The following FGF13 variants were observed in gnomAD, a reference collection of about 807,000 sequenced individuals.
FGF13 encodes fibroblast growth factor 13, also known as fibroblast growth factor homologous factor 2.
A neutral mutation model predicts 19.5 loss-of-function variants in FGF13; 2 were observed. The ratio of observed to expected loss-of-function variants is 0.10; its 90% confidence interval spans 0.04 to 0.32. The LOEUF (loss-of-function observed/expected upper bound fraction) is 0.32. FGF13 is among the 10% of genes least tolerant of loss of function. The pLI, the probability that FGF13 is intolerant of heterozygous loss-of-function variation, is 1.00. For missense variants in FGF13, 113 were observed against 192.7 expected (o/e 0.59, Z 2.45); for synonymous variants, 72 against 76.9 (o/e 0.94, Z 0.33).
intron 1 of FGF13, among the ~76,000 whole-genome samples, chrX:139,155,020 T>C (rs1312219260): frequency 8.9e-6 from 1 of 111,860 alleles, no homozygotes; most frequent in East Asian, 2.8e-4. Context: ...AGCATCATTA[T>C]ACATACATAC....
chrX:139,204,220 G>T (rs1429656989), upstream of FGF13: 1 of 705,756 alleles, frequency 1.4e-6, no homozygotes, highest in Non-Finnish European at 2.2e-6. Context: ...TCCCCTCGGT[G>T]TGGTTCGGGG....
At chrX:139,165,103 G>A (rs1005864239) in intron 1 of FGF13, among the ~76,000 whole-genome samples, 2 of 112,056 alleles carry the variant, frequency 1.8e-5, no homozygotes, top group Non-Finnish European at 3.8e-5. Context: ...CAAACTCTCA[G>A]ATGGAAATGA....
At chrX:138,932,150 A>G (rs1314261673) in intron 1 of FGF13, among the ~76,000 whole-genome samples, 2 of 111,824 alleles carry the variant, frequency 1.8e-5, no homozygotes, top group Non-Finnish European at 3.8e-5. Flanking sequence ...ACTCCCAGCA[A>G]CGTCCTTAAA....
intron 1 of FGF13, among the ~76,000 whole-genome samples, chrX:139,025,564 G>A (rs894146849): frequency 9.0e-6 from 1 of 111,543 alleles, no homozygotes; most frequent in Non-Finnish European, 1.9e-5. Context: ...TGTTCCTTCT[G>A]TGGCATTGGT....
intron 1 of FGF13, among the ~76,000 whole-genome samples, chrX:138,988,774 T>A (rs759410736): frequency 3.5e-4 from 39 of 112,099 alleles, no homozygotes; most frequent in African/African-American, 1.1e-3. Context: ...GAAACTAGCA[T>A]AGAGTTTTGA....
chrX:138,929,265 G>GTC lies in FGF13; in HGVS notation c.-112-64617_-112-64616dup, dbSNP rs1556301167. Among the ~76,000 whole-genome samples, 691 of 108,125 alleles carry GTC rather than the reference G, an allele frequency of 6.4e-3. 3 individuals carry two copies. The highest frequency in any genetic ancestry group is 0.021 in the African/African-American group (628 of 29,484). 93.9% of individuals were successfully genotyped at this position (108,125 alleles called of 115,157 possible). A position where few individuals can be genotyped will look rare whatever the true frequency, so the allele number is the denominator to read the frequency against. ...TGTGTGTGTGTGTGTGTGTGTGTGT[G>GTC]TCTCTCTGTGTGTGTGTGTTTAGTG... On this transcript the variant is annotated intron_variant, in intron 1 of 2. Transcript: ENST00000421460.
intron 4 of FGF13, 81 bp from the exon 5 acceptor site, chrX:138,633,067 T>C: frequency 9.6e-7 from 1 of 1,041,667 alleles, no homozygotes; most frequent in Non-Finnish European, 1.3e-6. Flanking sequence ...AGTTTGTAGG[T>C]GTTCTATTCC....
Position 138,804,571 on chromosome X carries a change from C to A in FGF13, c.217+52941G>T, listed in dbSNP as rs764704758. Among the ~76,000 whole-genome samples the A allele has an allele frequency of 1.9e-3, 214 of 112,171 alleles. 2 individuals are homozygous for A. The highest frequency in any genetic ancestry group is 6.7e-3 in the African/African-American group (208 of 30,918). On this transcript the variant is annotated intron_variant, in intron 3 of 6. Transcript: ENST00000436198. ...TGGGATGTGTACACATTCACACAAA[C>A]ACACATACACTTGAAACCACATATA... is the stretch of plus-strand genomic sequence containing the variant.
At chrX:138,765,857 G>A (rs2090498793) in intron 3 of FGF13, among the ~76,000 whole-genome samples, 1 of 111,486 alleles carries the variant, frequency 9.0e-6, no homozygotes, top group African/African-American at 3.3e-5. Flanking sequence ...GTCTTACTGG[G>A]CCTGTTTCAG....
intron 1 of FGF13, among the ~76,000 whole-genome samples, chrX:139,004,203 G>C (rs939749334): frequency 8.9e-6 from 1 of 112,817 alleles, no homozygotes; most frequent in Non-Finnish European, 1.9e-5. Flanking sequence ...GTGAGAAATC[G>C]AGCGCAGCGC....
intron 1 of FGF13, among the ~76,000 whole-genome samples, chrX:139,010,347 A>G (rs763119250): frequency 9.0e-6 from 1 of 111,715 alleles, no homozygotes; most frequent in South Asian, 3.8e-4. Context: ...ACTGTAGAAT[A>G]TACATTCCAT....
intron 3 of FGF13, among the ~76,000 whole-genome samples, chrX:138,829,189 T>C (rs1317421680): frequency 8.9e-6 from 1 of 111,937 alleles, no homozygotes; most frequent in East Asian, 2.8e-4. Flanking sequence ...GTGATGCTGC[T>C]ATAGTTTGGG....
intron 1 of FGF13, among the ~76,000 whole-genome samples, chrX:138,975,531 T>TA (rs780493273): frequency 0.022 from 2,136 of 98,334 alleles, 39 homozygotes; most frequent in African/African-American, 0.066. Flanking sequence ...TAAAGTATAA[T>TA]AAAAAAAAAA....
intron 3 of FGF13, among the ~76,000 whole-genome samples, chrX:138,845,668 T>G (rs1170876538): frequency 1.8e-5 from 2 of 111,437 alleles, no homozygotes; most frequent in Non-Finnish European, 3.8e-5. Flanking sequence ...TAAACTATGC[T>G]GATTTGCTTT....
intron 1 of FGF13, among the ~76,000 whole-genome samples, chrX:139,195,000 C>G (rs1462265176): frequency 8.9e-6 from 1 of 111,841 alleles, no homozygotes; most frequent in Non-Finnish European, 1.9e-5. Context: ...TGCCCGGAGC[C>G]GGCGCCGGGC....
At chrX:139,022,769 C>T (rs2092183187) in intron 1 of FGF13, among the ~76,000 whole-genome samples, 1 of 111,187 alleles carries the variant, frequency 9.0e-6, no homozygotes, top group Admixed American at 9.6e-5. Flanking sequence ...AGATGTGGGT[C>T]AAACATATAC....
At chrX:138,737,782 A>C (rs2090289442) in intron 1 of FGF13, among the ~76,000 whole-genome samples, 1 of 112,170 alleles carries the variant, frequency 8.9e-6, no homozygotes, top group Admixed American at 9.5e-5. Flanking sequence ...TCAGCCACAT[A>C]TACTGTATCC....
chrX:138,822,398 G>C (rs1421502053), intron 3 of FGF13, among the ~76,000 whole-genome samples: 4 of 111,834 alleles, frequency 3.6e-5, no homozygotes, highest in African/African-American at 1.3e-4. Context: ...GAAAGAGAAG[G>C]GTCATTTCAT....
intron 3 of FGF13, among the ~76,000 whole-genome samples, chrX:138,647,318 A>G (rs2089318610): frequency 9.0e-6 from 1 of 111,383 alleles, no homozygotes; most frequent in African/African-American, 3.3e-5. Flanking sequence ...GACACTTTGA[A>G]ATATGAATGT....
Sources: gnomAD v4.1 joint callset for allele counts (sites outside exome capture counted in the v4.1 genomes callset) on GRCh38, gnomAD v4.1.1 for gene constraint, MANE v1.5 for transcripts, NCBI Gene and HGNC (gene_info 2026-07-23, HGNC 2026-07-21) for gene names.